TNKS: variants seen among roughly 807,000 people sequenced by gnomAD.
TNKS encodes tankyrase.
TNKS carries 72 observed loss-of-function variants against 135.8 expected under a neutral mutation model. That is an observed-to-expected ratio of 0.53 (90% CI 0.44 to 0.64). The LOEUF (loss-of-function observed/expected upper bound fraction) is 0.64. TNKS is among the 30% of genes least tolerant of loss of function. TNKS has a pLI of 0.00. For missense variants in TNKS, 1,769 were observed against 1,674.0 expected, an observed-to-expected ratio of 1.06 and a Z score of -0.99; for synonymous variants, 849 against 649.3, an observed-to-expected ratio of 1.31 and a Z score of -4.68.
intron 15 of TNKS, among the ~76,000 whole-genome samples, chr8:9,734,249 A>G (rs1003805042): frequency 3.3e-5 from 5 of 152,200 alleles, no homozygotes; most frequent in Admixed American, 6.5e-5. Flanking sequence ...CAGTGAGCCC[A>G]TGACAGTCTG....
Position 9,615,484 on chromosome 8 carries a change from A to G in TNKS, c.899-98A>G, listed in dbSNP as rs959442122. On this transcript the variant is annotated intron_variant, in intron 2 of 26. Coordinates refer to ENST00000310430, the MANE Select transcript of TNKS (RefSeq NM_003747.3). ...TTCTTGAAAGAGAAAAAATTTGTGC[A>G]ATGTATGTTTATGCCTACACCATGC... 9.4e-6 allele frequency: 8 copies of G among 849,864 alleles called. No homozygotes were observed. The African/African-American group carries it at 1.4e-4, about 15-fold the overall frequency. 52.6% of individuals were successfully genotyped at this position (849,864 alleles called of 1,614,324 possible). A position where few individuals can be genotyped will look rare whatever the true frequency, so the allele number is the denominator to read the frequency against.
At chr8:9,589,822 C>T (rs190679555) in intron 2 of TNKS, among the ~76,000 whole-genome samples, 22 of 152,318 alleles carry the variant, frequency 1.4e-4, no homozygotes, top group African/African-American at 5.3e-4. Flanking sequence ...CATCTCATGC[C>T]TTCAACGAAG....
intron 3 of TNKS, among the ~76,000 whole-genome samples, chr8:9,664,678 T>G (rs1439590839): frequency 6.6e-6 from 1 of 152,228 alleles, no homozygotes; most frequent in Non-Finnish European, 1.5e-5. Flanking sequence ...AATTATGAAC[T>G]GCATTTAGAG....
intron 5 of TNKS, among the ~76,000 whole-genome samples, chr8:9,686,722 A>G (rs1803017620): frequency 6.6e-6 from 1 of 152,134 alleles, no homozygotes; most frequent in East Asian, 1.9e-4. Context: ...CAAAAACATA[A>G]TTTTATGTGC....
At position 9,774,003 on chromosome 8, in the gene TNKS, G is replaced by A. The variant is rs145529677; in HGVS notation, c.3898-2647G>A. 3.3e-3 allele frequency among the ~76,000 whole-genome samples: 510 copies of A among 152,242 alleles called. 3 individuals are homozygous for A. The highest frequency in any genetic ancestry group is 0.011 in the African/African-American group (473 of 41,546). On this transcript the variant is annotated intron_variant, in intron 26 of 26. Coordinates refer to ENST00000310430, the MANE Select transcript of TNKS (RefSeq NM_003747.3). ...ACACGTTTTATGTGTTTTTGATTGAGGATGATTTGAGTAGTAGTATTCGTT... is the reference window on the plus strand; with the variant it reads ...ACACGTTTTATGTGTTTTTGATTGAAGATGATTTGAGTAGTAGTATTCGTT...
chr8:9,645,404 G>A (rs1800885142), intron 3 of TNKS, among the ~76,000 whole-genome samples: 1 of 152,162 alleles, frequency 6.6e-6, no homozygotes, highest in South Asian at 2.1e-4. Flanking sequence ...CAAGGAAAAG[G>A]CAGGAAAGGA....
Position 9,766,391 on chromosome 8 carries a change from A to G in TNKS, c.3706A>G (p.Thr1236Ala). The G allele has an allele frequency of 1.2e-6, 2 of 1,612,808 alleles. No homozygotes were observed. The highest frequency in any genetic ancestry group is 1.7e-6 in the Non-Finnish European group (2 of 1,179,206). The change falls in exon 25 of 27, where the codon ACA becomes GCA. Residue 1236 changes from threonine (T) to alanine (A), a missense_variant. By Grantham distance (58) the Thr-to-Ala change is moderately conservative (BLOSUM62 0). Coordinates refer to ENST00000310430, the MANE Select transcript of TNKS (RefSeq NM_003747.3). ...AATTGGAGGAGGAACAGGCTGCCCTACACACAAGGACAGGTCATGCTATAT... is the reference window on the plus strand; with the variant it reads ...AATTGGAGGAGGAACAGGCTGCCCTGCACACAAGGACAGGTCATGCTATAT... Reference protein sequence around the residue: ...YGIGGGTGCPTHKDRSCYICH... With the variant: ...YGIGGGTGCPAHKDRSCYICH...
chr8:9,679,840 T>C, intron 3 of TNKS, 111 bp from the exon 4 acceptor site: 1 of 867,026 alleles, frequency 1.2e-6, no homozygotes, highest in Non-Finnish European at 1.9e-6. Context: ...CAGCGGGGTG[T>C]GGACTCTCTT....
intron 2 of TNKS, among the ~76,000 whole-genome samples, chr8:9,585,092 T>C (rs1453253515): frequency 6.6e-6 from 1 of 151,558 alleles, no homozygotes; most frequent in Non-Finnish European, 1.5e-5. Context: ...CCAGAGAAAT[T>C]AAAGTATAAA....
chr8:9,645,222 G>T (rs1363177322), intron 3 of TNKS, among the ~76,000 whole-genome samples: 1 of 152,012 alleles, frequency 6.6e-6, no homozygotes, highest in Non-Finnish European at 1.5e-5. Context: ...GGATGGGTTG[G>T]GAGCAGGGTG....
At chr8:9,619,404 T>G (rs1799776427) in intron 3 of TNKS, among the ~76,000 whole-genome samples, 1 of 152,166 alleles carries the variant, frequency 6.6e-6, no homozygotes, top group Non-Finnish European at 1.5e-5. Flanking sequence ...AAGAGCAGAT[T>G]GAGCCTGAGA....
rs190625212 is a variant in TNKS, at chr8:9,761,823, C to T, written c.3274+187C>T. 7.3e-3 allele frequency among the ~76,000 whole-genome samples: 1,119 copies of T among 152,252 alleles called. 11 individuals carry two copies. The highest frequency in any genetic ancestry group is 0.013 in the Non-Finnish European group (883 of 68,016). On this transcript the variant is annotated intron_variant, in intron 21 of 26. Coordinates refer to ENST00000310430, the MANE Select transcript of TNKS (RefSeq NM_003747.3). ...AGCTGGAAAAATCTGAGTCAGTCTT[C>T]CCTGTCTCCCAACACTTTGTATCCT... is the stretch of plus-strand genomic sequence containing the variant.
intron 25 of TNKS, among the ~76,000 whole-genome samples, chr8:9,767,714 C>T (rs1807543630): frequency 6.6e-6 from 1 of 152,016 alleles, no homozygotes; most frequent in Admixed American, 6.6e-5. Context: ...AATCCCAGCA[C>T]TTTGGGAGGC....
intron 11 of TNKS, chr8:9,710,491 T>G (rs1186718606): frequency 5.1e-5 from 29 of 570,812 alleles, no homozygotes; most frequent in Non-Finnish European, 2.5e-5. Context: ...ATCTTTACAT[T>G]ACTTTCAGTT....
chr8:9,656,257 G>T (rs894035668), intron 3 of TNKS, among the ~76,000 whole-genome samples: 1 of 152,190 alleles, frequency 6.6e-6, no homozygotes, highest in Non-Finnish European at 1.5e-5. Context: ...CCAAATCTAC[G>T]TCCTGATTGG....
intron 18 of TNKS, among the ~76,000 whole-genome samples, chr8:9,750,721 C>G (rs931702985): frequency 6.6e-6 from 1 of 152,204 alleles, no homozygotes; most frequent in East Asian, 1.9e-4. Context: ...CTAAGCCACC[C>G]CCAAACCCAC....
In TNKS at chr8:9,555,934, C is replaced by G. The variant is rs199827222; in HGVS notation, c.-6C>G. ...GCCGCAGTGACAGTGCTAGGGGAGTCCGAAGATGGCGGCGTCGCGTCGCTC... is the reference window on the plus strand; with the variant it reads ...GCCGCAGTGACAGTGCTAGGGGAGTGCGAAGATGGCGGCGTCGCGTCGCTC... On this transcript the variant is annotated 5_prime_UTR_variant, in exon 1 of 27. Coordinates refer to ENST00000310430, the MANE Select transcript of TNKS (RefSeq NM_003747.3). The G allele has an allele frequency of 2.5e-5, 40 of 1,607,168 alleles. No homozygotes were observed. The highest frequency in any genetic ancestry group is 3.2e-5 in the Non-Finnish European group (38 of 1,177,060).
intron 2 of TNKS, among the ~76,000 whole-genome samples, chr8:9,610,340 G>T (rs960527968): frequency 3.3e-5 from 5 of 150,976 alleles, no homozygotes; most frequent in African/African-American, 1.2e-4. Flanking sequence ...ATATACTGTA[G>T]CATACTATAT....
intron 1 of TNKS, among the ~76,000 whole-genome samples, chr8:9,572,204 G>A (rs771557636): frequency 2.6e-5 from 4 of 152,126 alleles, no homozygotes; most frequent in Non-Finnish European, 4.4e-5. Context: ...AGATTAATTT[G>A]ACTTTTACAT....
Sources: allele counts gnomAD v4.1 joint callset (sites outside exome capture counted in the v4.1 genomes callset), GRCh38; gene constraint gnomAD v4.1.1; transcripts MANE v1.5; gene names NCBI Gene and HGNC (gene_info 2026-07-23, HGNC 2026-07-21).